The following ZSWIM5 variants were observed in gnomAD, a reference collection of about 807,000 sequenced individuals.
The protein encoded by ZSWIM5 is zinc finger SWIM-type containing 5.
A neutral mutation model predicts 119.6 loss-of-function variants in ZSWIM5; 55 were observed. That is an observed-to-expected ratio of 0.46 (90% confidence interval 0.37 to 0.58). The LOEUF (loss-of-function observed/expected upper bound fraction) is 0.58. Ranked by LOEUF, ZSWIM5 falls within the 20% of genes least tolerant of loss-of-function variation. The pLI is 0.00. For missense variants in ZSWIM5, 1,193 were observed against 1,512.8 expected (o/e 0.79, Z 3.51); for synonymous variants, 537 against 606.9 (o/e 0.88, Z 1.69).
At chr1:45,090,595 C>A (rs1645358887) in intron 1 of ZSWIM5, among the ~76,000 whole-genome samples, 1 of 149,488 alleles carries the variant, frequency 6.7e-6, no homozygotes. Context: ...TACAAAAAAT[C>A]AAAAAAATTT....
intron 2 of ZSWIM5, among the ~76,000 whole-genome samples, chr1:45,077,884 C>T (rs1645264941): frequency 6.6e-6 from 1 of 152,226 alleles, no homozygotes; most frequent in Non-Finnish European, 1.5e-5. Flanking sequence ...CTGTTCTGCC[C>T]TGCTCACTGG....
Position 45,206,250 on chromosome 1 carries a change from C to G in ZSWIM5, c.101G>C (p.Arg34Pro). 6.3e-7 allele frequency: 1 copy of G among 1,585,074 alleles called. No homozygotes were observed. Among genetic ancestry groups the G allele is most frequent in the Non-Finnish European group, 8.6e-7 (1 of 1,167,064 alleles). ...TCCGCCGGCTGCCCCAGGCGAACCG[C>G]GAGGGTGATGAGCCTGCGGGCTGGG... is the stretch of plus-strand genomic sequence containing the variant. The part of the protein sequence containing the change: ...SWPSPQAHHP[R>P]GSPGAAGGGA... The change falls in exon 1 of 14, where the codon CGC becomes CCC. Residue 34 changes from arginine to proline, a missense_variant. Around this residue, in one of 2 missense-constraint regions of ZSWIM5, gnomAD observed 232 missense variants for 222.9 expected, o/e 1.04. Transcript: ENST00000359600.
intron 11 of ZSWIM5, among the ~76,000 whole-genome samples, chr1:45,026,409 GT>G (rs200251073): frequency 0.05 from 7,359 of 147,488 alleles, 229 homozygotes; most frequent in East Asian, 0.096. Flanking sequence ...TTTGCTAAGG[GT>G]TTTTTTTTTT....
rs766989932 is a variant in ZSWIM5 at position 45,036,288 on chromosome 1, T to G, written c.1906A>C (p.Ser636Arg). 1.9e-6 allele frequency: 3 copies of G among 1,612,870 alleles called. No individual in the cohort carries two copies. Among genetic ancestry groups the G allele is most frequent in the Admixed American group, 1.7e-5 (1 of 59,992 alleles). ...ACATGCTGGTACACAGGGGGTCTGC[T>G]TTCATTCATATCTGAGGGCAACAGG... is the stretch of plus-strand genomic sequence containing the variant. The part of the protein sequence containing the change: ...GYLEMSDMNE[S>R]RPPVYQHVPV... Residue 636 changes from serine (S) to arginine (R), a missense_variant, in exon 9 of 14, where the codon AGC (serine) becomes CGC (arginine). Ser to Arg is a moderately radical substitution (Grantham distance 110, BLOSUM62 -1). This residue lies in a region of ZSWIM5 where 961 missense variants were observed against 1,290.0 expected (regional missense o/e 0.74). Coordinates refer to ENST00000359600, the MANE Select transcript of ZSWIM5 (RefSeq NM_020883.2).
chr1:45,137,671 C>A (rs1645697831), intron 1 of ZSWIM5, among the ~76,000 whole-genome samples: 1 of 152,120 alleles, frequency 6.6e-6, no homozygotes, highest in Admixed American at 6.5e-5. Context: ...AGGAACATGC[C>A]TGGCATGTTC....
At chr1:45,127,977 A>G (rs1645631376) in intron 1 of ZSWIM5, among the ~76,000 whole-genome samples, 1 of 152,202 alleles carries the variant, frequency 6.6e-6, no homozygotes, top group African/African-American at 2.4e-5. Context: ...CTGGTGAAAG[A>G]AAACATAGAT....
chr1:45,124,562 A>G (rs1386679758), intron 1 of ZSWIM5, among the ~76,000 whole-genome samples: 1 of 152,144 alleles, frequency 6.6e-6, no homozygotes, highest in Non-Finnish European at 1.5e-5. Flanking sequence ...GAAAACAGAA[A>G]CAGAAATCAG....
At chr1:45,141,668 T>C (rs1645728196) in intron 1 of ZSWIM5, among the ~76,000 whole-genome samples, 1 of 152,092 alleles carries the variant, frequency 6.6e-6, no homozygotes, top group African/African-American at 2.4e-5. Context: ...ATAGGTAGAC[T>C]AAAACGATTA....
chr1:45,018,678 G>GTA lies in ZSWIM5; in HGVS notation c.3333_3334insTA (p.Leu1112TyrfsTer17). ...ATATAGGCATTGATGGTGGCATCCAGCAACTGGCGCAATGGAGCTTTGTCA... is the reference window on the plus strand; with the variant it reads ...ATATAGGCATTGATGGTGGCATCCAGTACAACTGGCGCAATGGAGCTTTGTCA... On this transcript the variant is annotated frameshift_variant, in exon 14 of 14. Transcript: ENST00000359600. LOFTEE classifies it high-confidence loss of function. This position sits in a 1 kb window ranked among gnomAD's most constrained non-coding sequence, Gnocchi z 6.7. The GTA allele has an allele frequency of 6.2e-7, 1 of 1,614,246 alleles. No homozygotes were observed. The highest frequency in any genetic ancestry group is 8.5e-7 in the Non-Finnish European group (1 of 1,180,052).
chr1:45,082,864 G>A (rs1034730362), intron 2 of ZSWIM5, among the ~76,000 whole-genome samples: 4 of 152,186 alleles, frequency 2.6e-5, no homozygotes, highest in African/African-American at 9.7e-5. Flanking sequence ...GGTGACAGTT[G>A]TGGTGAAAAA....
intron 6 of ZSWIM5, among the ~76,000 whole-genome samples, chr1:45,041,498 CTCTT>C (rs1645017808): frequency 6.6e-6 from 1 of 151,244 alleles, no homozygotes; most frequent in Non-Finnish European, 1.5e-5. Flanking sequence ...GAAATAATCA[CTCTT>C]TCCAGTGTCA....
At chr1:45,058,836 G>A in intron 3 of ZSWIM5, 77 bp from the exon 4 acceptor site, 1 of 1,548,378 alleles carries the variant, frequency 6.5e-7, no homozygotes, top group East Asian at 2.2e-5. Flanking sequence ...TGGGGGAGGG[G>A]GAAGTGAAGA....
chr1:45,068,191 C>T (rs1645197547), intron 2 of ZSWIM5, among the ~76,000 whole-genome samples: 1 of 150,606 alleles, frequency 6.6e-6, no homozygotes, highest in South Asian at 2.1e-4. Context: ...CAACCTCCGC[C>T]TCCAGGGTCC....
Position 45,088,014 on chromosome 1 carries a change from GA to G in ZSWIM5, c.818del (p.Phe273SerfsTer3), listed in dbSNP as rs762267480. ...TTTGTAGCTGGTCCCTATTCATCTG[GA>G]AAAGGGTTTCGGAGATAGGAAGACG... is the stretch of plus-strand genomic sequence containing the variant. The part of the protein sequence containing the change: ...KLRLPISETL[F>X]QMNRDQLQKF... On this transcript the variant is annotated frameshift_variant, in exon 2 of 14. Transcript: ENST00000359600. LOFTEE classifies it high-confidence loss of function. This position sits in a 1 kb window ranked among gnomAD's most constrained non-coding sequence, Gnocchi z 4.2. 1.9e-6 allele frequency: 3 copies of G among 1,614,064 alleles called. No individual in the cohort carries two copies. In the Admixed American group the frequency reaches 5.0e-5, roughly 27 times the overall value.
intron 2 of ZSWIM5, among the ~76,000 whole-genome samples, chr1:45,064,217 T>C (rs531432743): frequency 6.6e-6 from 1 of 152,356 alleles, no homozygotes; most frequent in South Asian, 2.1e-4. Context: ...TTCATTCACT[T>C]ACTAATTAAC....
intron 1 of ZSWIM5, among the ~76,000 whole-genome samples, chr1:45,119,062 A>C (rs1310537124): frequency 1.3e-5 from 2 of 152,228 alleles, no homozygotes; most frequent in African/African-American, 4.8e-5. Flanking sequence ...TGGCCTAAAG[A>C]GATGACATTT....
At chr1:45,040,281 C>T in intron 7 of ZSWIM5, 111 bp downstream of exon 7, 1 of 1,190,624 alleles carries the variant, frequency 8.4e-7, no homozygotes, top group Non-Finnish European at 1.1e-6. Context: ...AGGCATTCCA[C>T]ACAGCAAGGA....
At chr1:45,049,887 A>G (rs1433982078) in intron 5 of ZSWIM5, among the ~76,000 whole-genome samples, 1 of 152,218 alleles carries the variant, frequency 6.6e-6, no homozygotes, top group Non-Finnish European at 1.5e-5. Context: ...TGGAAGCTAG[A>G]TGAATGCCAG....
chr1:45,185,258 A>T (rs1275493849), intron 1 of ZSWIM5, among the ~76,000 whole-genome samples: 1 of 150,636 alleles, frequency 6.6e-6, no homozygotes, highest in Non-Finnish European at 1.5e-5. Flanking sequence ...TTCAAGATGG[A>T]TTAAAGACTT....
Sources: allele counts gnomAD v4.1 joint callset (sites outside exome capture counted in the v4.1 genomes callset), GRCh38; gene constraint gnomAD v4.1.1; regional missense constraint gnomAD v4.1.1; non-coding constraint Gnocchi (gnomAD v3.1); transcripts MANE v1.5; gene names NCBI Gene and HGNC (gene_info 2026-07-23, HGNC 2026-07-21).